The following PAX7 variants were observed in gnomAD, a reference collection of about 807,000 sequenced individuals.
PAX7 encodes the protein paired box 7.
In PAX7, 18 loss-of-function variants were observed where a neutral mutation model predicts 50.7. The observed-to-expected ratio is 0.36, with a 90% CI of 0.25 to 0.53. The LOEUF is 0.53. PAX7 is among the 20% of genes least tolerant of loss of function. The probability of loss-of-function intolerance (pLI) is 0.93; values close to 1 mark genes in which losing one functional copy is unlikely to be tolerated. For missense variants in PAX7, 644 were observed against 702.9 expected, an observed-to-expected ratio of 0.92 and a Z score of 0.95; for synonymous variants, 310 against 290.4, an observed-to-expected ratio of 1.07 and a Z score of -0.69.
In PAX7 at chr1:18,741,463, A is replaced by AAAG. The variant is rs1553144725; in HGVS notation, c.1403-3349_1403-3348insGAA. On this transcript the variant is annotated intron_variant, in intron 8 of 8. Transcript: ENST00000420770. ...AGACTCCGTCTCAAAAAGAAAAAAA[A>AAAG]AAAGAAAGAAAGAAAGAAAAGATAA... Among the ~76,000 whole-genome samples the AAAG allele has an allele frequency of 7.5e-3, 1,120 of 149,546 alleles. 5 individuals carry two copies. The highest frequency in any genetic ancestry group is 0.031 in the South Asian group (148 of 4,720).
In PAX7 at chr1:18,635,499, A is replaced by AAGGAAGGT. The variant is rs1307915997; in HGVS notation, c.451+266_451+267insTAGGAAGG. On this transcript the variant is annotated intron_variant, in intron 3 of 8. Transcript: ENST00000420770. ...AGAAATAAGAAAGGGAGGAAGAAGGAAGGAAGGAAGGTAGGAAGGAAGGAA... is the reference window on the plus strand; with the variant it reads ...AGAAATAAGAAAGGGAGGAAGAAGGAAGGAAGGTAGGAAGGAAGGTAGGAAGGAAGGAA... Among the ~76,000 whole-genome samples the AAGGAAGGT allele has an allele frequency of 2.6e-4, 38 of 148,888 alleles. 1 individual carries two copies. In the South Asian group the frequency reaches 3.8e-3, roughly 15 times the overall value.
intron 7 of PAX7, among the ~76,000 whole-genome samples, chr1:18,717,072 C>T (rs2089435168): frequency 6.6e-6 from 1 of 152,064 alleles, no homozygotes; most frequent in African/African-American, 2.4e-5. Flanking sequence ...GCCTTTGATC[C>T]ATGGCCCGAG....
rs745837364 is a variant in PAX7, at chr1:18,735,890, G to A, written c.1402+12G>A. 3.1e-6 allele frequency: 5 copies of A among 1,614,090 alleles called. No individual in the cohort carries two copies. The highest frequency in any genetic ancestry group is 4.2e-6 in the Non-Finnish European group (5 of 1,180,036). On this transcript the variant is annotated intron_variant, in intron 8 of 8. Coordinates refer to ENST00000420770, the MANE Select transcript of PAX7 (RefSeq NM_001135254.2). This position sits in a 1 kb window ranked among gnomAD's most constrained non-coding sequence, Gnocchi z 4.0. ...CCAGTACGGCCAGAGTGAGTGCCTG[G>A]TGCCCTGGGCGTCCCCCGTCCCCAT...
chr1:18,714,080 G>A (rs1007362297), intron 7 of PAX7, among the ~76,000 whole-genome samples: 2 of 152,150 alleles, frequency 1.3e-5, no homozygotes, highest in Non-Finnish European at 2.9e-5. Context: ...GCATGGTGGT[G>A]CGTGCCTGTA....
rs1370107361 is a variant in PAX7 at position 18,736,217 on chromosome 1, C to T, written c.1402+339C>T. 5.5e-6 allele frequency: 3 copies of T among 550,120 alleles called. No homozygotes were observed. The African/African-American group carries it at 5.7e-5, about 10-fold the overall frequency. 34.1% of individuals were successfully genotyped at this position (550,120 alleles called of 1,614,324 possible). A position where few individuals can be genotyped will look rare whatever the true frequency, so the allele number is the denominator to read the frequency against. Reference sequence around the variant, plus strand: ...TGGTGGCTCATGCCTGTAATCCCAGCACTTTGGAAGGCTGAGGCAAACGAA... The same window carrying T: ...TGGTGGCTCATGCCTGTAATCCCAGTACTTTGGAAGGCTGAGGCAAACGAA... On this transcript the variant is annotated intron_variant, in intron 8 of 8. Coordinates refer to ENST00000420770, the MANE Select transcript of PAX7 (RefSeq NM_001135254.2).
At chr1:18,672,809 G>C (rs1373296387) in intron 4 of PAX7, among the ~76,000 whole-genome samples, 1 of 151,990 alleles carries the variant, frequency 6.6e-6, no homozygotes, top group Non-Finnish European at 1.5e-5. Context: ...GTTTCATCAG[G>C]TTGGCCAGGC....
In PAX7 at chr1:18,635,511, T is replaced by TAGGAAGGAAGGAAGGAAGGAAGAAAGGA. The variant is rs138334090; in HGVS notation, c.451+288_451+289insGGAAGAAAGGAAGGAAGGAAGGAAGGAA. Among the ~76,000 whole-genome samples the TAGGAAGGAAGGAAGGAAGGAAGAAAGGA allele has an allele frequency of 1.7e-3, 230 of 134,534 alleles. 1 individual carries two copies. Among genetic ancestry groups the TAGGAAGGAAGGAAGGAAGGAAGAAAGGA allele is most frequent in the Non-Finnish European group, 2.6e-3 (166 of 62,682 alleles). The allele number at this position is 134,534 out of a possible 152,430, so 88.3% of individuals were successfully genotyped here. The stretch of plus-strand genomic sequence containing the variant: ...GGGAGGAAGAAGGAAGGAAGGAAGG[T>TAGGAAGGAAGGAAGGAAGGAAGAAAGGA]AGGAAGGAAGGAAGGAAAGAAGGAA... On this transcript the variant is annotated intron_variant, in intron 3 of 8. Coordinates refer to ENST00000420770, the MANE Select transcript of PAX7 (RefSeq NM_001135254.2).
rs2100321276 is a variant in PAX7 at position 18,700,806 on chromosome 1, A to C, written c.940A>C (p.Thr314Pro). Residue 314 changes from threonine (T) to proline (P), a missense_variant, in exon 6 of 9, where the codon ACC (threonine) becomes CCC (proline). Thr to Pro is a conservative substitution (Grantham distance 38, BLOSUM62 -1). Transcript: ENST00000420770. This position sits in a 1 kb window ranked among gnomAD's most constrained non-coding sequence, Gnocchi z 4.8. ...GCCGGACTCCACCTACCCCACCACC[A>C]CCATCTCCCAAGGTGAGTGTCTTGG... ...QLPDSTYPTTTISQDGGSTVH... is the reference protein window; with the variant it reads ...QLPDSTYPTTPISQDGGSTVH... The C allele has an allele frequency of 6.6e-7, 1 of 1,524,884 alleles. No homozygotes were observed. The highest frequency in any genetic ancestry group is 8.8e-7 in the Non-Finnish European group (1 of 1,133,908). The allele number at this position is 1,524,884 out of a possible 1,614,324, so 94.5% of individuals were successfully genotyped here. A position where few individuals can be genotyped will look rare whatever the true frequency, so the allele number is the denominator to read the frequency against.
chr1:18,643,613 G>C (rs1358709519), intron 4 of PAX7, among the ~76,000 whole-genome samples: 1 of 152,232 alleles, frequency 6.6e-6, no homozygotes, highest in Non-Finnish European at 1.5e-5. Context: ...CCGCGGGAGA[G>C]CACGGGCCGA....
At chr1:18,667,475 GAGC>G (rs890715073) in intron 4 of PAX7, among the ~76,000 whole-genome samples, 21 of 152,044 alleles carry the variant, frequency 1.4e-4, no homozygotes, top group African/African-American at 5.1e-4. Flanking sequence ...ACACACCCCG[GAGC>G]AGCAGCCCGG....
chr1:18,688,546 G>A (rs553222978), intron 4 of PAX7, among the ~76,000 whole-genome samples: 18 of 152,314 alleles, frequency 1.2e-4, no homozygotes, highest in Non-Finnish European at 2.2e-4. Context: ...GAACGTTTCC[G>A]TCATCGCAGA....
rs529529236 is a variant in PAX7 at position 18,742,026 on chromosome 1, T to C, written c.1403-2788T>C. Among the ~76,000 whole-genome samples, 32 of 152,272 alleles carry C rather than the reference T, an allele frequency of 2.1e-4. No homozygotes were observed. The South Asian group carries it at 6.2e-3, about 30-fold the overall frequency. ...CACCACTACCAGCCTCATAGAGTTG[T>C]TGTAAGAATTAAATGGAAAATGAGC... On this transcript the variant is annotated intron_variant, in intron 8 of 8. Transcript: ENST00000420770.
chr1:18,716,415 G>GC (rs1262159593), intron 7 of PAX7, among the ~76,000 whole-genome samples: 1 of 151,760 alleles, frequency 6.6e-6, no homozygotes, highest in Non-Finnish European at 1.5e-5. Flanking sequence ...TTCTCCTCCA[G>GC]CCATTCGTGC....
chr1:18,678,655 C>T (rs755143317), intron 4 of PAX7, among the ~76,000 whole-genome samples: 4 of 152,168 alleles, frequency 2.6e-5, no homozygotes, highest in Non-Finnish European at 4.4e-5. Flanking sequence ...GAAGATGGCA[C>T]AGGCAGCAAG....
chr1:18,712,037 C>A (rs1382021731), intron 7 of PAX7, among the ~76,000 whole-genome samples: 1 of 152,218 alleles, frequency 6.6e-6, no homozygotes, highest in Non-Finnish European at 1.5e-5. Context: ...AGCCCCCAAT[C>A]CCCCAGGGCT....
In PAX7 at chr1:18,697,588, A is replaced by C. The variant is rs372204821; in HGVS notation, c.787-3065A>C. Among the ~76,000 whole-genome samples the C allele has an allele frequency of 1.5e-4, 23 of 152,322 alleles. No homozygotes were observed. In the East Asian group the frequency reaches 3.5e-3, roughly 23 times the overall value. On this transcript the variant is annotated intron_variant, in intron 5 of 8. Transcript: ENST00000420770. The stretch of plus-strand genomic sequence containing the variant: ...TTAGAGGCAGAATTCCATCCCAGGC[A>C]GTTGACTCCAGCATCCCTGCTGTCA...
chr1:18,638,348 C>T (rs1321026150), intron 4 of PAX7, among the ~76,000 whole-genome samples: 1 of 152,220 alleles, frequency 6.6e-6, no homozygotes, highest in African/African-American at 2.4e-5. Flanking sequence ...GCTCACCACA[C>T]CAGCTAACAA....
At chr1:18,685,054 G>A (rs367965398) in intron 4 of PAX7, among the ~76,000 whole-genome samples, 3 of 152,312 alleles carry the variant, frequency 2.0e-5, no homozygotes, top group East Asian at 1.9e-4. Flanking sequence ...GAGAAGCCAC[G>A]TTGGTTTTCA....
rs2089574108 is a variant in PAX7, at chr1:18,726,544, C to T, written c.1156-9088C>T. Among the ~76,000 whole-genome samples, 1 of 152,178 alleles carries T rather than the reference C, an allele frequency of 6.6e-6. No homozygotes were observed. Among genetic ancestry groups the T allele is most frequent in the Non-Finnish European group, 1.5e-5 (1 of 68,048 alleles). Reference sequence around the variant, plus strand: ...CAGGCACGTCATGGCCAAATCCAGGCACGTCATGGCCACAAGAAAACAACA... The same window carrying T: ...CAGGCACGTCATGGCCAAATCCAGGTACGTCATGGCCACAAGAAAACAACA... On this transcript the variant is annotated intron_variant, in intron 7 of 8. Transcript: ENST00000420770. This position sits in a 1 kb window ranked among gnomAD's most constrained non-coding sequence, Gnocchi z 4.8.
Sources: gnomAD v4.1 joint callset for allele counts (sites outside exome capture counted in the v4.1 genomes callset) on GRCh38, gnomAD v4.1.1 for gene constraint, Gnocchi (gnomAD v3.1) non-coding constraint, MANE v1.5 for transcripts, NCBI Gene and HGNC (gene_info 2026-07-23, HGNC 2026-07-21) for gene names.